Variants in PCDHGA11 observed in about 807,000 individuals in gnomAD.
PCDHGA11 encodes the protein protocadherin gamma subfamily A, 11.
In PCDHGA11, 39 loss-of-function variants were observed where a neutral mutation model predicts 60.4. The ratio of observed to expected loss-of-function variants is 0.65; its 90% confidence interval spans 0.50 to 0.84. The LOEUF is 0.84. Among genes scored for constraint, PCDHGA11 ranks in the 40% least tolerant of loss-of-function variants. The probability of loss-of-function intolerance (pLI) is 0.00; values close to 1 mark genes in which losing one functional copy is unlikely to be tolerated. For missense variants in PCDHGA11, 1,165 were observed against 1,197.7 expected (o/e 0.97, Z 0.40); for synonymous variants, 533 against 510.3 (o/e 1.04, Z -0.60).
chr5:141,465,125 G>A (rs1003967387), intron 1 of PCDHGA11, among the ~76,000 whole-genome samples: 1 of 151,194 alleles, frequency 6.6e-6, no homozygotes, highest in Non-Finnish European at 1.5e-5. Context: ...GCCTAAATTT[G>A]TAAAAAGTTT....
Position 141,489,600 on chromosome 5 carries a change from G to A in PCDHGA11, c.2434-5207G>A, listed in dbSNP as rs1407225048. 8.1e-6 allele frequency: 13 copies of A among 1,614,034 alleles called. No homozygotes were observed. Among genetic ancestry groups the A allele is most frequent in the Non-Finnish European group, 1.1e-5 (13 of 1,179,962 alleles). ...ACCCCCTGGAGCTAATCCGTGTAGA[G>A]GTAGAGATCCTGGATCTCAATGACA... On this transcript the variant is annotated intron_variant, in intron 1 of 3. Transcript: ENST00000398587. This position sits in a 1 kb window ranked among gnomAD's most constrained non-coding sequence, Gnocchi z 4.5.
intron 1 of PCDHGA11, among the ~76,000 whole-genome samples, chr5:141,473,096 G>A (rs1007912058): frequency 9.9e-5 from 15 of 152,058 alleles, no homozygotes; most frequent in African/African-American, 3.6e-4. Context: ...ACTGTGAGTT[G>A]TATTACCACA....
At chr5:141,427,525 C>T (rs779318429) in intron 1 of PCDHGA11, 9 of 611,980 alleles carry the variant, frequency 1.5e-5, no homozygotes, top group South Asian at 3.0e-5. Flanking sequence ...GAGCGGATCC[C>T]GGAGTACAAC....
chr5:141,484,096 G>A (rs539388257), intron 1 of PCDHGA11, among the ~76,000 whole-genome samples: 1 of 152,126 alleles, frequency 6.6e-6, no homozygotes, highest in South Asian at 2.1e-4. Flanking sequence ...GTCTTCGTTG[G>A]TAATTAACAA....
chr5:141,462,070 G>C lies in PCDHGA11; in HGVS notation c.2434-32737G>C, dbSNP rs572217894. Among the ~76,000 whole-genome samples, 18 of 152,196 alleles carry C rather than the reference G, an allele frequency of 1.2e-4. No individual in the cohort carries two copies. In the South Asian group the frequency reaches 3.7e-3, roughly 32 times the overall value. On this transcript the variant is annotated intron_variant, in intron 1 of 3. Coordinates refer to ENST00000398587, the MANE Select transcript of PCDHGA11 (RefSeq NM_018914.3). ...ACTCCCGACCTCAGGTGATCTGCCC[G>C]CCTTGGCCTCCCAAAATGCTGGGAT...
At chr5:141,499,323 GCTCT>G (rs1259902316) in intron 2 of PCDHGA11, among the ~76,000 whole-genome samples, 1 of 152,046 alleles carries the variant, frequency 6.6e-6, no homozygotes, top group East Asian at 1.9e-4. Context: ...CAGTATCCCT[GCTCT>G]CTCTCAGTTT....
intron 1 of PCDHGA11, among the ~76,000 whole-genome samples, chr5:141,459,742 T>C (rs2098974738): frequency 6.6e-6 from 1 of 152,248 alleles, no homozygotes; most frequent in Non-Finnish European, 1.5e-5. Context: ...TTTTAAATTT[T>C]AGCAATTCTA....
intron 2 of PCDHGA11, 79 bp downstream of exon 2, chr5:141,494,944 C>T: frequency 1.9e-6 from 3 of 1,609,850 alleles, no homozygotes; most frequent in Non-Finnish European, 2.5e-6. Context: ...TGGGGGAGGG[C>T]CCAGCATTTG....
Position 141,491,793 on chromosome 5 carries a change from C to T in PCDHGA11, c.2434-3014C>T, listed in dbSNP as rs2099730341. 4.0e-6 allele frequency: 6 copies of T among 1,511,410 alleles called. No individual in the cohort carries two copies. Among genetic ancestry groups the T allele is most frequent in the East Asian group, 2.5e-5 (1 of 40,660 alleles). The allele number at this position is 1,511,410 out of a possible 1,614,324, so 93.6% of individuals were successfully genotyped here. A position where few individuals can be genotyped will look rare whatever the true frequency, so the allele number is the denominator to read the frequency against. On this transcript the variant is annotated intron_variant, in intron 1 of 3. Transcript: ENST00000398587. This position sits in a 1 kb window ranked among gnomAD's most constrained non-coding sequence, Gnocchi z 6.9. ...AGGGATTGAACTTGCATCCACTCCT[C>T]TCCGGCCGGCTTGGTCGCTGGCTGC...
intron 1 of PCDHGA11, chr5:141,427,502 G>A (rs1276688816): frequency 1.7e-6 from 1 of 576,718 alleles, no homozygotes; most frequent in East Asian, 4.0e-5. Flanking sequence ...TAACAGATGG[G>A]ACCCTGGATT....
intron 3 of PCDHGA11, among the ~76,000 whole-genome samples, chr5:141,509,211 C>T (rs962706371): frequency 2.0e-5 from 3 of 152,180 alleles, no homozygotes; most frequent in African/African-American, 4.8e-5. Context: ...CTCTCTATTT[C>T]TCAATCCCTG....
intron 1 of PCDHGA11, among the ~76,000 whole-genome samples, chr5:141,483,993 G>T (rs1307708919): frequency 6.8e-6 from 1 of 147,882 alleles, no homozygotes; most frequent in Non-Finnish European, 1.5e-5. Flanking sequence ...AGGTTGCTGG[G>T]AGGTCTGGAT....
At chr5:141,446,624 G>C (rs1433894248) in intron 1 of PCDHGA11, among the ~76,000 whole-genome samples, 1 of 151,930 alleles carries the variant, frequency 6.6e-6, no homozygotes, top group African/African-American at 2.4e-5. Flanking sequence ...CTACAGGCGT[G>C]CACCACCACG....
rs1473318347 is a variant in PCDHGA11, at chr5:141,421,945, AT to A, written c.719del (p.Ile240ThrfsTer11). 6.2e-7 allele frequency: 1 copy of A among 1,613,342 alleles called. No homozygotes were observed. The highest frequency in any genetic ancestry group is 8.5e-7 in the Non-Finnish European group (1 of 1,179,660). On this transcript the variant is annotated frameshift_variant, in exon 1 of 4. Transcript: ENST00000398587. LOFTEE classifies it high-confidence loss of function. ...RVVVLDVNDH[I>X]PMFTQSVYRV... ...GGTGGTCCTCGATGTAAATGATCAC[AT>A]CCCAATGTTTACACAGTCCGTATAT...
intron 1 of PCDHGA11, among the ~76,000 whole-genome samples, chr5:141,454,658 G>A (rs961640658): frequency 7.2e-5 from 11 of 151,812 alleles, no homozygotes; most frequent in Admixed American, 6.6e-5. Context: ...TGCCCACCTC[G>A]GCCTCCCAAA....
At chr5:141,484,589 C>T (rs2154580160) in intron 1 of PCDHGA11, among the ~76,000 whole-genome samples, 1 of 152,074 alleles carries the variant, frequency 6.6e-6, no homozygotes, top group African/African-American at 2.4e-5. Context: ...GGAAGCTACT[C>T]ATTTAGAATA....
intron 3 of PCDHGA11, among the ~76,000 whole-genome samples, chr5:141,508,761 C>G (rs943236216): frequency 6.6e-6 from 1 of 151,974 alleles, no homozygotes; most frequent in Admixed American, 6.6e-5. Context: ...TCTGGCGCCT[C>G]TGAGGTCCCC....
At chr5:141,437,741 C>CT (rs35124340) in intron 1 of PCDHGA11, among the ~76,000 whole-genome samples, 18,734 of 141,656 alleles carry the variant, frequency 0.13, 1,459 homozygotes, top group African/African-American at 0.22. Context: ...TTGAGTTCAC[C>CT]TTTTTTTTTT....
chr5:141,483,648 TTGTG>T (rs111458813), intron 1 of PCDHGA11, among the ~76,000 whole-genome samples: 10 of 149,592 alleles, frequency 6.7e-5, no homozygotes, highest in Non-Finnish European at 1.0e-4. Flanking sequence ...GGGTGTGTGT[TTGTG>T]TGTGTGTGTG....
Sources: gnomAD v4.1 joint callset for allele counts (sites outside exome capture counted in the v4.1 genomes callset) on GRCh38, gnomAD v4.1.1 for gene constraint, Gnocchi (gnomAD v3.1) non-coding constraint, MANE v1.5 for transcripts, NCBI Gene and HGNC (gene_info 2026-07-23, HGNC 2026-07-21) for gene names.